Variants in IQSEC1 observed in about 807,000 individuals in gnomAD.
The protein encoded by IQSEC1 is IQ motif and SEC7 domain-containing protein 1.
Under a neutral mutation model 91.0 loss-of-function variants are expected in IQSEC1, and 31 were observed. That is an observed-to-expected ratio of 0.34 (90% CI 0.26 to 0.46). The LOEUF (loss-of-function observed/expected upper bound fraction) is 0.46. IQSEC1 is among the 20% of genes least tolerant of loss of function. The pLI, the probability that IQSEC1 is intolerant of heterozygous loss-of-function variation, is 1.00. For synonymous variants in IQSEC1, 699 were observed against 662.6 expected (o/e 1.05, Z -0.84); for missense variants, 1,388 against 1,575.6 (o/e 0.88, Z 2.02).
rs910461820 is a variant in IQSEC1 at position 12,898,131 on chromosome 3, T to G, written c.*2852A>C. ...GGCAGACATCCTGGGGCCCTCGGCC[T>G]CCTCCTGCCTCCCCTCCCAGGGGAT... On this transcript the variant is annotated 3_prime_UTR_variant, in exon 14 of 14. Transcript: ENST00000613206. 1.3e-5 allele frequency: 2 copies of G among 152,216 alleles called. No homozygotes were observed. Among genetic ancestry groups the G allele is most frequent in the Admixed American group, 1.3e-4 (2 of 15,284 alleles). The allele number at this position is 152,216 out of a possible 1,614,324, so 9.4% of individuals were successfully genotyped here.
intron 2 of IQSEC1, among the ~76,000 whole-genome samples, chr3:13,145,285 T>C (rs2124946333): frequency 6.6e-6 from 1 of 152,232 alleles, no homozygotes; most frequent in Non-Finnish European, 1.5e-5. Flanking sequence ...AGCCCCGGGC[T>C]TGGCTGGTGG....
chr3:12,991,654 T>C (rs1336187218), intron 1 of IQSEC1, among the ~76,000 whole-genome samples: 4 of 152,238 alleles, frequency 2.6e-5, no homozygotes, highest in African/African-American at 9.6e-5. Context: ...AGCCCAGTGA[T>C]GGGCAGCTTC....
In IQSEC1 at chr3:13,259,861, G is replaced by A. The variant is rs1232249591; in HGVS notation, c.272+22850C>T. Among the ~76,000 whole-genome samples, 1 of 152,274 alleles carries A rather than the reference G, an allele frequency of 6.6e-6. No homozygotes were observed. The highest frequency in any genetic ancestry group is 2.4e-5 in the African/African-American group (1 of 41,476). ...CTTGTTGTGGCGCTCAGCGGGAGAA[G>A]TTTCTACCATATACAGTTATTAATG... On this transcript the variant is annotated intron_variant, in intron 1 of 15. Coordinates refer to the IQSEC1 transcript ENST00000648114. The surrounding 1 kb of genome is among the most constrained non-coding windows in gnomAD (Gnocchi z 4.6).
At chr3:13,271,347 A>G (rs1695587850) in intron 1 of IQSEC1, among the ~76,000 whole-genome samples, 2 of 152,210 alleles carry the variant, frequency 1.3e-5, no homozygotes, top group African/African-American at 4.8e-5. Flanking sequence ...ACTGTACTCC[A>G]GCCTGGGTGA....
At chr3:13,068,288 G>T (rs1445436003) in intron 1 of IQSEC1, among the ~76,000 whole-genome samples, 1 of 152,238 alleles carries the variant, frequency 6.6e-6, no homozygotes, top group Non-Finnish European at 1.5e-5. Context: ...GACGCTACTT[G>T]TTGCCCTGCC....
intron 2 of IQSEC1, among the ~76,000 whole-genome samples, chr3:13,151,666 C>T (rs557723390): frequency 6.6e-6 from 1 of 152,218 alleles, no homozygotes; most frequent in African/African-American, 2.4e-5. Flanking sequence ...GTCTACATCA[C>T]TAGAAAGAGT....
At chr3:13,167,058 A>G (rs1459585699) in intron 1 of IQSEC1, among the ~76,000 whole-genome samples, 1 of 152,164 alleles carries the variant, frequency 6.6e-6, no homozygotes, top group African/African-American at 2.4e-5. Flanking sequence ...CGTGTGTGGT[A>G]CACTGTATGT....
intron 1 of IQSEC1, among the ~76,000 whole-genome samples, chr3:13,035,891 G>A (rs1015034472): frequency 6.6e-6 from 1 of 152,200 alleles, no homozygotes; most frequent in Non-Finnish European, 1.5e-5. Context: ...GGACCCAGCC[G>A]CCATGTTTTG....
intron 1 of IQSEC1, among the ~76,000 whole-genome samples, chr3:12,991,138 C>T (rs557045655): frequency 6.6e-6 from 1 of 152,292 alleles, no homozygotes; most frequent in East Asian, 1.9e-4. Context: ...TCAGTCCCTA[C>T]CTGCGCCCTG....
chr3:12,935,512 G>A lies in IQSEC1; in HGVS notation c.1504C>T (p.Pro502Ser). ...CGGATGACATCGTTGCTAAAGGCAG[G>A]CGAGTCCCAGCTGTTGCGGGCCTCC... is the stretch of plus-strand genomic sequence containing the variant. ...HKEARNSWDS[P>S]AFSNDVIRKR... The change falls in exon 3 of 14, where the codon CCT becomes TCT. Residue 502 changes from proline to serine, a missense_variant. Physicochemically the swap from Pro to Ser is moderately conservative, Grantham distance 74 (BLOSUM62 -1). Coordinates refer to ENST00000613206, the MANE Select transcript of IQSEC1 (RefSeq NM_001134382.3). The surrounding 1 kb of genome is among the most constrained non-coding windows in gnomAD (Gnocchi z 8.0). 1 of 1,614,004 alleles carries A rather than the reference G, an allele frequency of 6.2e-7. No individual in the cohort carries two copies. Among genetic ancestry groups the A allele is most frequent in the Non-Finnish European group, 8.5e-7 (1 of 1,179,908 alleles).
At chr3:13,196,727 CGT>C (rs1052180727) in intron 1 of IQSEC1, among the ~76,000 whole-genome samples, 1 of 149,776 alleles carries the variant, frequency 6.7e-6, no homozygotes, top group East Asian at 2.0e-4. Flanking sequence ...CATGCGCGTG[CGT>C]GTGTATGTAC....
At chr3:13,141,713 T>G (rs1368437553) in intron 2 of IQSEC1, among the ~76,000 whole-genome samples, 1 of 151,930 alleles carries the variant, frequency 6.6e-6, no homozygotes, top group East Asian at 1.9e-4. Flanking sequence ...TCGACCTACA[T>G]ATCAGGGGTC....
intron 2 of IQSEC1, among the ~76,000 whole-genome samples, chr3:13,086,394 A>T (rs1307315548): frequency 1.3e-5 from 2 of 152,152 alleles, no homozygotes; most frequent in Non-Finnish European, 2.9e-5. Flanking sequence ...CTCAGTCTCC[A>T]TGCTGGTTCA....
chr3:12,901,020 C>G lies in IQSEC1; in HGVS notation c.3308G>C (p.Ser1103Thr). The G allele has an allele frequency of 6.5e-7, 1 of 1,541,950 alleles. No homozygotes were observed. The highest frequency in any genetic ancestry group is 8.7e-7 in the Non-Finnish European group (1 of 1,145,474). Residue 1103 changes from serine (S) to threonine (T), a missense_variant, in exon 14 of 14, where the codon AGC becomes ACC. Transcript: ENST00000613206. ...GCTGATGCCGCTGGGTTTGGCCTTGCTGCTGGTGGGGGGCGGCGGGGCAGG... is the reference window on the plus strand; with the variant it reads ...GCTGATGCCGCTGGGTTTGGCCTTGGTGCTGGTGGGGGGCGGCGGGGCAGG... Reference protein sequence around the residue: ...QPPAPPPPTSSKAKPSGISTI... With the variant: ...QPPAPPPPTSTKAKPSGISTI...
upstream of IQSEC1, among the ~76,000 whole-genome samples, chr3:13,076,749 C>G (rs1380969919): frequency 1.3e-5 from 2 of 152,174 alleles, no homozygotes; most frequent in Non-Finnish European, 2.9e-5. Flanking sequence ...ACTTTATTTT[C>G]TTTTAGCTGA....
rs768301655 is a variant in IQSEC1 at position 12,908,541 on chromosome 3, T to C, written c.2579-16A>G. ...TCGAGCTCCGCTGGAACAGAGAGGG[T>C]GAGGGTCCTGGTGAGAGGAGCACAG... is the stretch of plus-strand genomic sequence containing the variant. On this transcript the variant is annotated splice_polypyrimidine_tract_variant and intron_variant, in intron 11 of 13. Coordinates refer to ENST00000613206, the MANE Select transcript of IQSEC1 (RefSeq NM_001134382.3). This position sits in a 1 kb window ranked among gnomAD's most constrained non-coding sequence, Gnocchi z 4.9. 80 of 1,612,750 alleles carry C rather than the reference T, an allele frequency of 5.0e-5. No homozygotes were observed. In the Middle Eastern group the frequency reaches 6.6e-4, roughly 13 times the overall value.
chr3:12,931,511 C>T (rs1309009273), intron 3 of IQSEC1, among the ~76,000 whole-genome samples: 1 of 152,216 alleles, frequency 6.6e-6, no homozygotes, highest in African/African-American at 2.4e-5. Flanking sequence ...GGGCCTGGCG[C>T]TTGGTCCAGG....
At chr3:13,129,543 A>G (rs1706571764) in intron 2 of IQSEC1, among the ~76,000 whole-genome samples, 1 of 152,156 alleles carries the variant, frequency 6.6e-6, no homozygotes, top group African/African-American at 2.4e-5. Flanking sequence ...ACAAAACAAA[A>G]CAGTTTTTAA....
At chr3:13,029,073 TG>T (rs1340221340) in intron 1 of IQSEC1, among the ~76,000 whole-genome samples, 1 of 152,210 alleles carries the variant, frequency 6.6e-6, no homozygotes, top group Non-Finnish European at 1.5e-5. Flanking sequence ...GACTGTACTG[TG>T]TAAAGCTATA....
Sources: allele counts gnomAD v4.1 joint callset (sites outside exome capture counted in the v4.1 genomes callset), GRCh38; gene constraint gnomAD v4.1.1; non-coding constraint Gnocchi (gnomAD v3.1); transcripts MANE v1.5; gene names NCBI Gene and HGNC (gene_info 2026-07-23, HGNC 2026-07-21).